Variants in NINL observed in about 807,000 individuals in gnomAD.
The protein encoded by NINL is ninein-like protein.
Under a neutral mutation model 160.3 loss-of-function variants are expected in NINL, and 153 were observed. That is an observed-to-expected ratio of 0.95 (90% confidence interval 0.84 to 1.09). The LOEUF is 1.09. Among genes scored for constraint, NINL ranks in the 50% least tolerant of loss-of-function variants. The pLI is 0.00. For synonymous variants in NINL, 800 were observed against 734.8 expected (o/e 1.09, Z -1.43); for missense variants, 1,829 against 1,764.0 (o/e 1.04, Z -0.66).
chr20:25,473,665 AATACACAC>A (rs1380675616), intron 17 of NINL, among the ~76,000 whole-genome samples: 3 of 130,890 alleles, frequency 2.3e-5, no homozygotes, highest in Non-Finnish European at 3.2e-5. Flanking sequence ...CTGTAGTAAA[AATACACAC>A]ATACACACAC....
At chr20:25,547,192 C>G (rs867782517) in intron 1 of NINL, among the ~76,000 whole-genome samples, 10 of 152,174 alleles carry the variant, frequency 6.6e-5, no homozygotes, top group Middle Eastern at 3.4e-3. Flanking sequence ...ACTGAGGTGA[C>G]TCTAGGAGGA....
chr20:25,457,091 C>T (rs1057378672), intron 22 of NINL, among the ~76,000 whole-genome samples: 1 of 151,942 alleles, frequency 6.6e-6, no homozygotes, highest in African/African-American at 2.4e-5. Flanking sequence ...TTTGGGAGAC[C>T]GAGGCGGGTG....
chr20:25,547,422 G>C (rs1244175984), intron 1 of NINL, among the ~76,000 whole-genome samples: 1 of 152,142 alleles, frequency 6.6e-6, no homozygotes, highest in African/African-American at 2.4e-5. Context: ...AGATGGTCTT[G>C]GGGACTCCTG....
chr20:25,524,764 G>T (rs367848458), intron 2 of NINL, among the ~76,000 whole-genome samples: 3 of 152,058 alleles, frequency 2.0e-5, no homozygotes, highest in Non-Finnish European at 4.4e-5. Context: ...TGGGAATGAC[G>T]TGGCTTATTC....
rs974789146 is a variant in NINL at position 25,564,155 on chromosome 20, C to CT, written c.-12+21299dup. The stretch of plus-strand genomic sequence containing the variant: ...GGTGGCTTTTTTTTTTTTCTTTTTT[C>CT]TTTTTTTTTTTTGAGATGGAGTCTT... On this transcript the variant is annotated intron_variant, in intron 1 of 23. Coordinates refer to ENST00000278886, the MANE Select transcript of NINL (RefSeq NM_025176.6). Among the ~76,000 whole-genome samples, 675 of 129,188 alleles carry CT rather than the reference C, an allele frequency of 5.2e-3. 2 individuals are homozygous for CT. Among genetic ancestry groups the CT allele is most frequent in the African/African-American group, 0.014 (480 of 35,380 alleles). 84.8% of individuals were successfully genotyped at this position (129,188 alleles called of 152,430 possible). A position where few individuals can be genotyped will look rare whatever the true frequency, so the allele number is the denominator to read the frequency against.
In NINL at chr20:25,517,617, G is replaced by A. The variant is rs189287856; in HGVS notation, c.277+136C>T. The A allele has an allele frequency of 3.2e-5, 21 of 652,028 alleles. No individual in the cohort carries two copies. The African/African-American group carries it at 3.7e-4, about 12-fold the overall frequency. The allele number at this position is 652,028 out of a possible 1,614,324, so 40.4% of individuals were successfully genotyped here. On this transcript the variant is annotated intron_variant, in intron 3 of 23. Transcript: ENST00000278886. ...AGAAAACATCAAGTGTTTTTTCCAA[G>A]TCCATATACCTTGGGGGTGACAGAA...
intron 1 of NINL, among the ~76,000 whole-genome samples, chr20:25,533,132 AC>A (rs1345532788): frequency 1.3e-5 from 2 of 152,004 alleles, no homozygotes; most frequent in African/African-American, 2.4e-5. Context: ...CAAACCATGA[AC>A]CCCGCAGAAC....
chr20:25,559,180 A>G (rs1055315861), intron 1 of NINL, among the ~76,000 whole-genome samples: 8 of 152,164 alleles, frequency 5.3e-5, no homozygotes, highest in African/African-American at 1.9e-4. Context: ...CCTTCCTGTA[A>G]ATGAAGCCAA....
chr20:25,457,011 C>T (rs1418577242), intron 22 of NINL, among the ~76,000 whole-genome samples: 1 of 152,050 alleles, frequency 6.6e-6, no homozygotes, highest in Non-Finnish European at 1.5e-5. Flanking sequence ...TTTCATCTGT[C>T]CAGAGCAAGG....
At position 25,476,140 on chromosome 20, in the gene NINL, G is replaced by A; in HGVS notation, c.3151C>T (p.Leu1051=). 1 of 1,614,186 alleles carries A rather than the reference G, an allele frequency of 6.2e-7. No individual in the cohort carries two copies. Among genetic ancestry groups the A allele is most frequent in the Non-Finnish European group, 8.5e-7 (1 of 1,180,044 alleles). ...APEEGETKIA[L]EREKDDMETK... ...TCCATGTCATCCTTCTCTCTCTCCA[G>A]CGCTATTTTGGTCTCCCCCTCTTCT... Residue 1051 remains leucine (L), a synonymous_variant, in exon 17 of 24, where the codon CTG becomes TTG. Transcript: ENST00000278886.
chr20:25,507,238 C>T (rs2063978449), intron 5 of NINL, among the ~76,000 whole-genome samples: 1 of 151,014 alleles, frequency 6.6e-6, no homozygotes, highest in Non-Finnish European at 1.5e-5. Flanking sequence ...GTCTAGTTTG[C>T]TGCAGCCTCA....
chr20:25,539,761 G>A (rs190663782), intron 1 of NINL, among the ~76,000 whole-genome samples: 4 of 152,158 alleles, frequency 2.6e-5, no homozygotes, highest in Non-Finnish European at 2.9e-5. Flanking sequence ...CGTGTGAGCC[G>A]CCCACCCAAA....
intron 9 of NINL, among the ~76,000 whole-genome samples, chr20:25,497,475 C>T (rs959003019): frequency 2.6e-5 from 4 of 152,360 alleles, no homozygotes; most frequent in South Asian, 2.1e-4. Context: ...GAGGCGGCTC[C>T]GCTGTCTGCA....
chr20:25,582,798 T>G (rs1316925373), intron 1 of NINL, among the ~76,000 whole-genome samples: 5 of 151,800 alleles, frequency 3.3e-5, no homozygotes, highest in African/African-American at 1.2e-4. Context: ...AACAGATGAG[T>G]TTTAACTACT....
At chr20:25,528,739 C>T (rs761962888) in intron 1 of NINL, among the ~76,000 whole-genome samples, 4 of 152,122 alleles carry the variant, frequency 2.6e-5, no homozygotes, top group Non-Finnish European at 5.9e-5. Flanking sequence ...TTCTGACCCA[C>T]AAAAACGGCA....
chr20:25,515,353 G>C (rs946826440), intron 3 of NINL, among the ~76,000 whole-genome samples: 2 of 152,230 alleles, frequency 1.3e-5, no homozygotes, highest in Non-Finnish European at 2.9e-5. Context: ...TTTTGGAACA[G>C]GAACATTTAC....
rs569531719 is a variant in NINL at position 25,584,547 on chromosome 20, G to T, written c.-12+908C>A. Reference sequence around the variant, plus strand: ...TTTTAAGTCCAGTGTGAAAAACCTAGAAGTCACAGCAAAGGCCGCTAAGAA... The same window carrying T: ...TTTTAAGTCCAGTGTGAAAAACCTATAAGTCACAGCAAAGGCCGCTAAGAA... On this transcript the variant is annotated intron_variant, in intron 1 of 23. Transcript: ENST00000278886. 2.6e-5 allele frequency among the ~76,000 whole-genome samples: 4 copies of T among 152,330 alleles called. No individual in the cohort carries two copies. In the South Asian group the frequency reaches 8.3e-4, roughly 32 times the overall value.
chr20:25,539,723 G>A (rs980461847), intron 1 of NINL, among the ~76,000 whole-genome samples: 14 of 152,166 alleles, frequency 9.2e-5, no homozygotes, highest in Admixed American at 3.9e-4. Flanking sequence ...GGAGAAAGCC[G>A]CCCTAACTCT....
chr20:25,485,970 G>C (rs191727687), intron 13 of NINL, among the ~76,000 whole-genome samples: 32 of 152,306 alleles, frequency 2.1e-4, no homozygotes, highest in Admixed American at 1.8e-3. Context: ...ATTTTTCATA[G>C]AAATGGTCTC....
Sources: gnomAD v4.1 joint callset for allele counts (sites outside exome capture counted in the v4.1 genomes callset) on GRCh38, gnomAD v4.1.1 for gene constraint, MANE v1.5 for transcripts, NCBI Gene and HGNC (gene_info 2026-07-23, HGNC 2026-07-21) for gene names.